Variants in WBP2NL observed in about 807,000 individuals in gnomAD.
WBP2NL encodes WBP2 N-terminal like.
In WBP2NL, 27 loss-of-function variants were observed where a neutral mutation model predicts 23.3. The observed-to-expected ratio is 1.16, with a 90% CI of 0.85 to 1.60. The LOEUF is 1.60. WBP2NL is among the 40% of genes most tolerant of loss of function. WBP2NL has a pLI of 0.00. For synonymous variants in WBP2NL, 151 were observed against 145.9 expected (o/e 1.03, Z -0.25); for missense variants, 370 against 389.5 (o/e 0.95, Z 0.42).
intron 1 of WBP2NL, among the ~76,000 whole-genome samples, chr22:42,005,673 G>A (rs1285796927): frequency 6.6e-6 from 1 of 152,196 alleles, no homozygotes; most frequent in African/African-American, 2.4e-5. Flanking sequence ...ATTTGGTTCA[G>A]TTTACAGAAT....
chr22:42,003,818 C>G (rs1210725446), intron 1 of WBP2NL, among the ~76,000 whole-genome samples: 3 of 152,146 alleles, frequency 2.0e-5, no homozygotes, highest in Non-Finnish European at 4.4e-5. Flanking sequence ...TGAAAAAGGG[C>G]TCCTATCAGA....
chr22:42,022,709 C>T (rs1602462029), intron 5 of WBP2NL, among the ~76,000 whole-genome samples: 1 of 152,326 alleles, frequency 6.6e-6, no homozygotes, highest in East Asian at 1.9e-4. Context: ...CTGTGCCACA[C>T]CCTTCAACCT....
At chr22:42,024,545 G>T (rs925344842) in intron 5 of WBP2NL, among the ~76,000 whole-genome samples, 1 of 151,976 alleles carries the variant, frequency 6.6e-6, no homozygotes, top group Non-Finnish European at 1.5e-5. Flanking sequence ...TAGTGGGTAT[G>T]AAGTGGTATC....
intron 4 of WBP2NL, among the ~76,000 whole-genome samples, chr22:42,020,726 C>G (rs1011447221): frequency 2.7e-5 from 4 of 150,616 alleles, no homozygotes; most frequent in East Asian, 2.0e-4. Context: ...TTGCTTTTCT[C>G]AGGTTTAGTC....
At chr22:42,001,931 G>A in intron 1 of WBP2NL, 1 of 1,443,970 alleles carries the variant, frequency 6.9e-7, no homozygotes, top group Non-Finnish European at 9.2e-7. Context: ...CACCTGCCAG[G>A]GAGTCCTTGG....
intron 5 of WBP2NL, among the ~76,000 whole-genome samples, chr22:42,023,637 G>A (rs1481332442): frequency 6.6e-6 from 1 of 151,794 alleles, no homozygotes; most frequent in Non-Finnish European, 1.5e-5. Context: ...GACTACCGGC[G>A]CCCGCCACCA....
intron 1 of WBP2NL, among the ~76,000 whole-genome samples, chr22:42,017,310 T>C (rs1765156695): frequency 6.6e-6 from 1 of 152,188 alleles, no homozygotes; most frequent in Admixed American, 6.5e-5. Context: ...AGATGGGGTT[T>C]CACCATGTTG....
At chr22:42,035,534 G>C (rs1409450343), downstream of WBP2NL, among the ~76,000 whole-genome samples, 1 of 152,246 alleles carries the variant, frequency 6.6e-6, no homozygotes, top group Non-Finnish European at 1.5e-5. Context: ...GCCATGCCTA[G>C]TTGCTGCAGC....
chr22:42,017,582 A>G (rs1424297795), intron 1 of WBP2NL, among the ~76,000 whole-genome samples: 1 of 152,194 alleles, frequency 6.6e-6, no homozygotes, highest in Non-Finnish European at 1.5e-5. Flanking sequence ...TTGCATTATG[A>G]TCTGTATTCA....
At chr22:42,041,663 A>T (rs2146816837) in intron 8 of WBP2NL, among the ~76,000 whole-genome samples, 1 of 151,864 alleles carries the variant, frequency 6.6e-6, no homozygotes, top group East Asian at 1.9e-4. Flanking sequence ...CTATTACCAA[A>T]TTTTTTTGGT....
chr22:42,011,951 G>A (rs1185224439), intron 1 of WBP2NL, among the ~76,000 whole-genome samples: 1 of 151,458 alleles, frequency 6.6e-6, no homozygotes, highest in Non-Finnish European at 1.5e-5. Flanking sequence ...TTTTTTGAAT[G>A]TTTATACTAG....
chr22:42,023,207 C>G (rs1924131431), intron 5 of WBP2NL, among the ~76,000 whole-genome samples: 1 of 149,634 alleles, frequency 6.7e-6, no homozygotes, highest in Non-Finnish European at 1.5e-5. Context: ...TTTTTGGAGA[C>G]AGAGTCTCAC....
chr22:42,032,056 T>TTATTTCTGTTA (rs1282966652), downstream of WBP2NL: 3 of 152,196 alleles, frequency 2.0e-5, no homozygotes, highest in African/African-American at 7.2e-5. Flanking sequence ...TTCTGTAAAT[T>TTATTTCTGTTA]TATTTCTGTT....
rs144494201 is a variant in WBP2NL, at chr22:42,026,898, G to C, written c.647G>C (p.Arg216Pro). Residue 216 changes from arginine to proline, a missense_variant, in exon 6 of 6, where the codon CGA becomes CCA. Physicochemically the swap from Arg to Pro is moderately radical, Grantham distance 103 (BLOSUM62 -2). Coordinates refer to ENST00000328823, the MANE Select transcript of WBP2NL (RefSeq NM_152613.3). ...GTGGGATACAGAGCCTCACCTGTGC[G>C]ATATGGAGCCCCACCTCTTGGATAC... ...PPVGYRASPV[R>P]YGAPPLGYGA... 6.2e-7 allele frequency: 1 copy of C among 1,612,250 alleles called. No individual in the cohort carries two copies. Among genetic ancestry groups the C allele is most frequent in the African/African-American group, 1.3e-5 (1 of 74,372 alleles).
At chr22:42,049,770 A>G (rs570429104) in intron 8 of WBP2NL, among the ~76,000 whole-genome samples, 2 of 151,506 alleles carry the variant, frequency 1.3e-5, no homozygotes, top group East Asian at 3.9e-4. Flanking sequence ...TTTAGAAACA[A>G]CATCAAAAGC....
chr22:42,049,109 G>T (rs1925714764), intron 8 of WBP2NL, among the ~76,000 whole-genome samples: 1 of 152,196 alleles, frequency 6.6e-6, no homozygotes, highest in African/African-American at 2.4e-5. Flanking sequence ...TTTAAGACTT[G>T]CTGTAAAGTT....
chr22:42,001,590 A>T, intron 1 of WBP2NL: 1 of 1,140,196 alleles, frequency 8.8e-7, no homozygotes, highest in Non-Finnish European at 1.3e-6. Context: ...AAACACAAGG[A>T]TGTGGCCCCA....
intron 1 of WBP2NL, among the ~76,000 whole-genome samples, chr22:42,007,897 A>G (rs1179218382): frequency 1.3e-5 from 2 of 152,168 alleles, no homozygotes; most frequent in Admixed American, 6.5e-5. Flanking sequence ...ACTGCTGGCA[A>G]TTCTTTTGGA....
chr22:42,033,242 C>T (rs750127642), downstream of WBP2NL, among the ~76,000 whole-genome samples: 5 of 152,286 alleles, frequency 3.3e-5, no homozygotes, highest in South Asian at 4.1e-4. Flanking sequence ...CTGGACCAGT[C>T]GCACTCCAAG....
Sources: gnomAD v4.1 joint callset for allele counts (sites outside exome capture counted in the v4.1 genomes callset) on GRCh38, gnomAD v4.1.1 for gene constraint, MANE v1.5 for transcripts, NCBI Gene and HGNC (gene_info 2026-07-23, HGNC 2026-07-21) for gene names.